The following MYT1 variants were observed in gnomAD, a reference collection of about 807,000 sequenced individuals.
The protein encoded by MYT1 is myelin transcription factor 1, also known as myelin transcription factor I.
MYT1 carries 23 observed loss-of-function variants against 123.0 expected under a neutral mutation model. That is an observed-to-expected ratio of 0.19 (90% CI 0.13 to 0.26). The LOEUF (loss-of-function observed/expected upper bound fraction) is 0.26. Among genes scored for constraint, MYT1 ranks in the 10% least tolerant of loss-of-function variants. MYT1 has a pLI of 1.00. For synonymous variants in MYT1, 518 were observed against 575.3 expected, an observed-to-expected ratio of 0.90 and a Z score of 1.43; for missense variants, 1,125 against 1,472.5, an observed-to-expected ratio of 0.76 and a Z score of 3.86.
rs112658867 is a variant in MYT1, at chr20:64,188,915, C to T, written c.-98-1148C>T. Among the ~76,000 whole-genome samples, 1,018 of 152,314 alleles carry T rather than the reference C, an allele frequency of 6.7e-3. 7 individuals are homozygous for T. The highest frequency in any genetic ancestry group is 0.023 in the African/African-American group (957 of 41,564). On this transcript the variant is annotated intron_variant, in intron 1 of 22. Coordinates refer to ENST00000328439, the MANE Select transcript of MYT1 (RefSeq NM_004535.3). ...CAGAGTAGGTGCACACAGTAGGTGC[C>T]GAATCTGAGTGGTTTTATTCGTTCC...
chr20:64,222,090 G>A (rs1448321283), intron 14 of MYT1, 43 bp downstream of exon 14: 1 of 1,607,196 alleles, frequency 6.2e-7, no homozygotes, highest in Admixed American at 1.7e-5. Context: ...GGGACCCTCT[G>A]TGGCCTGGGG....
chr20:64,199,798 C>A (rs1983239364), intron 3 of MYT1, 94 bp from the exon 4 acceptor site: 4 of 1,449,498 alleles, frequency 2.8e-6, no homozygotes, highest in Non-Finnish European at 3.9e-6. Flanking sequence ...CTTGGCAAAC[C>A]TCTCGGCTGT....
intron 16 of MYT1, among the ~76,000 whole-genome samples, chr20:64,226,520 C>G (rs1301036982): frequency 6.6e-6 from 1 of 152,238 alleles, no homozygotes; most frequent in African/African-American, 2.4e-5. Flanking sequence ...GCACTGAACT[C>G]TTGCCTGGCT....
rs1377813611 is a variant in MYT1, at chr20:64,191,757, TG to T, written c.-1+1601del. 1 of 152,254 alleles carries T rather than the reference TG, an allele frequency of 6.6e-6. No homozygotes were observed. Among genetic ancestry groups the T allele is most frequent in the Non-Finnish European group, 1.5e-5 (1 of 68,042 alleles). The allele number at this position is 152,254 out of a possible 1,614,324, so 9.4% of individuals were successfully genotyped here. On this transcript the variant is annotated intron_variant, in intron 2 of 22. Coordinates refer to ENST00000328439, the MANE Select transcript of MYT1 (RefSeq NM_004535.3). This position sits in a 1 kb window ranked among gnomAD's most constrained non-coding sequence, Gnocchi z 4.1. ...TGCTCTGCTGATCCATGTTGGAGCC[TG>T]GGGCACAAGGAAGAGTCAGTAATAT...
rs1568723630 is a variant in MYT1, at chr20:64,237,364, G to T, written c.3067G>T (p.Ala1023Ser). ...DLNESNSEMEAAMVQLQSQIS... is the reference protein window; with the variant it reads ...DLNESNSEMESAMVQLQSQIS... ...GAACGAGTCCAACTCGGAGATGGAGGCTGCCATGGTGCAGCTGCAGTCCCA... is the reference window on the plus strand; with the variant it reads ...GAACGAGTCCAACTCGGAGATGGAGTCTGCCATGGTGCAGCTGCAGTCCCA... The change falls in exon 21 of 23, where the codon GCT becomes TCT. Residue 1023 changes from alanine (A) to serine (S), a missense_variant. This residue lies in a region of MYT1 where 243 missense variants were observed against 323.1 expected (regional missense o/e 0.75). Transcript: ENST00000328439. 1 of 1,608,028 alleles carries T rather than the reference G, an allele frequency of 6.2e-7. No homozygotes were observed. The highest frequency in any genetic ancestry group is 8.5e-7 in the Non-Finnish European group (1 of 1,178,284).
Position 64,203,063 on chromosome 20 carries a change from G to A in MYT1, c.87-1972G>A, listed in dbSNP as rs965198119. Among the ~76,000 whole-genome samples the A allele has an allele frequency of 3.3e-5, 5 of 152,238 alleles. No homozygotes were observed. The highest frequency in any genetic ancestry group is 1.2e-4 in the African/African-American group (5 of 41,456). ...CACTCGGCTGTGGGGTGGGGAGCAG[G>A]CATCTAAGGGGTTTCCAGCTTCCTG... On this transcript the variant is annotated intron_variant, in intron 4 of 22. Transcript: ENST00000328439. This position sits in a 1 kb window ranked among gnomAD's most constrained non-coding sequence, Gnocchi z 5.1.
At chr20:64,199,181 AG>A (rs1983215588) in intron 3 of MYT1, among the ~76,000 whole-genome samples, 1 of 152,228 alleles carries the variant, frequency 6.6e-6, no homozygotes, top group Admixed American at 6.5e-5. Context: ...AGCAAGGCTC[AG>A]TTACGAGACC....
intron 1 of MYT1, among the ~76,000 whole-genome samples, chr20:64,165,035 G>A (rs1982040869): frequency 6.6e-6 from 1 of 152,056 alleles, no homozygotes; most frequent in Non-Finnish European, 1.5e-5. Context: ...AGGGGAAGGG[G>A]AGCGCATATC....
At chr20:64,170,911 A>AGAGAGAGAGAGG in intron 1 of MYT1, among the ~76,000 whole-genome samples, 1 of 130,750 alleles carries the variant, frequency 7.6e-6, no homozygotes, top group Non-Finnish European at 1.6e-5. Context: ...AGAGAGAGAG[A>AGAGAGAGAGAGG]GAGAGAGAGA....
chr20:64,180,115 TAC>T (rs1234625522), intron 1 of MYT1, among the ~76,000 whole-genome samples: 3 of 149,504 alleles, frequency 2.0e-5, no homozygotes, highest in Admixed American at 2.0e-4. Context: ...ACACACACGC[TAC>T]ACACAGTTAT....
intron 13 of MYT1, among the ~76,000 whole-genome samples, chr20:64,221,582 C>T (rs968289934): frequency 6.6e-6 from 1 of 152,172 alleles, no homozygotes. Flanking sequence ...GTTTACGCTG[C>T]GGAGTGATGT....
intron 10 of MYT1, 95 bp from the exon 11 acceptor site, chr20:64,216,972 G>A: frequency 8.5e-7 from 1 of 1,177,422 alleles, no homozygotes; most frequent in South Asian, 1.3e-5. Context: ...GACGCTGTGA[G>A]GCCCCTGCCT....
At chr20:64,230,878 G>A (rs968986375) in intron 18 of MYT1, among the ~76,000 whole-genome samples, 1 of 152,214 alleles carries the variant, frequency 6.6e-6, no homozygotes, top group Non-Finnish European at 1.5e-5. Context: ...GGTCCTGGCC[G>A]AGTTGGCTGG....
At chr20:64,200,324 T>C (rs1479286772) in intron 4 of MYT1, among the ~76,000 whole-genome samples, 2 of 152,230 alleles carry the variant, frequency 1.3e-5, no homozygotes, top group Admixed American at 1.3e-4. Context: ...TTCTACATCC[T>C]GAGTCTTCCA....
chr20:64,217,146 G>T lies in MYT1; in HGVS notation c.1711G>T (p.Ala571Ser), dbSNP rs1044722691. The change falls in exon 11 of 23, where the codon GCC (alanine) becomes TCC (serine). Residue 571 changes from alanine to serine, a missense_variant. By Grantham distance (99) the Ala-to-Ser change is moderately conservative. This residue lies in a region of MYT1 where 429 missense variants were observed against 604.1 expected (regional missense o/e 0.71). Coordinates refer to ENST00000328439, the MANE Select transcript of MYT1 (RefSeq NM_004535.3). The stretch of plus-strand genomic sequence containing the variant: ...CAACGTGGCCCCCGCCACACCCAGG[G>T]CCAACTTGGCCAAGGAGCTGGAGAA... ...RPNVAPATPR[A>S]NLAKELEKFS... The T allele has an allele frequency of 8.1e-6, 13 of 1,614,226 alleles. No individual in the cohort carries two copies. Among genetic ancestry groups the T allele is most frequent in the Non-Finnish European group, 1.0e-5 (12 of 1,180,044 alleles).
intron 1 of MYT1, among the ~76,000 whole-genome samples, chr20:64,172,355 T>G (rs1047538532): frequency 1.3e-5 from 2 of 152,138 alleles, no homozygotes; most frequent in Non-Finnish European, 2.9e-5. Context: ...AACAGAACTG[T>G]TGTGAAAGCC....
chr20:64,199,837 G>A lies in MYT1; in HGVS notation c.56-55G>A, dbSNP rs377582292. 7.6e-6 allele frequency: 12 copies of A among 1,588,248 alleles called. No individual in the cohort carries two copies. The Middle Eastern group carries it at 8.3e-4, about 110-fold the overall frequency. ...ACTTAGTTTATGCTGTTAGGGCAATGAGCCTTTAAAATCACAATTCCCACA... is the reference window on the plus strand; with the variant it reads ...ACTTAGTTTATGCTGTTAGGGCAATAAGCCTTTAAAATCACAATTCCCACA... On this transcript the variant is annotated intron_variant, in intron 3 of 22. Coordinates refer to ENST00000328439, the MANE Select transcript of MYT1 (RefSeq NM_004535.3).
At chr20:64,215,121 C>G (rs1983797577) in intron 10 of MYT1, among the ~76,000 whole-genome samples, 1 of 152,208 alleles carries the variant, frequency 6.6e-6, no homozygotes, top group Non-Finnish European at 1.5e-5. Context: ...ATTTGCTGTT[C>G]CCTCCAGCTT....
Position 64,207,643 on chromosome 20 carries a change from C to T in MYT1, c.447C>T (p.Ala149=). 1 of 1,613,980 alleles carries T rather than the reference C, an allele frequency of 6.2e-7. No homozygotes were observed. The highest frequency in any genetic ancestry group is 1.3e-5 in the African/African-American group (1 of 75,044). The change falls in exon 7 of 23, where the codon GCC becomes GCT. Residue 149 remains alanine (A), a synonymous_variant. Coordinates refer to ENST00000328439, the MANE Select transcript of MYT1 (RefSeq NM_004535.3). ...SHFGSNPIGS[A]TASSKGSYSS... is the part of the protein sequence containing the mutation. ...TTGGATCCAACCCCATCGGCAGCGC[C>T]ACTGCCTCCTCCAAGGGCAGCTACA...
Sources: gnomAD v4.1 joint callset for allele counts (sites outside exome capture counted in the v4.1 genomes callset) on GRCh38, gnomAD v4.1.1 for gene constraint, gnomAD v4.1.1 regional missense constraint, Gnocchi (gnomAD v3.1) non-coding constraint, MANE v1.5 for transcripts, NCBI Gene and HGNC (gene_info 2026-07-23, HGNC 2026-07-21) for gene names.